DOCK8: variants seen among roughly 807,000 people sequenced by gnomAD.
DOCK8 encodes the protein dedicator of cytokinesis protein 8.
Under a neutral mutation model 245.6 loss-of-function variants are expected in DOCK8, and 141 were observed. The observed-to-expected ratio is 0.57, with a 90% CI of 0.50 to 0.66. DOCK8 has a LOEUF of 0.66. DOCK8 is among the 30% of genes least tolerant of loss of function. DOCK8 has a pLI of 0.00. For missense variants in DOCK8, 2,965 were observed against 2,603.4 expected, an observed-to-expected ratio of 1.14 and a Z score of -3.02; for synonymous variants, 1,168 against 970.2, an observed-to-expected ratio of 1.20 and a Z score of -3.79.
intron 24 of DOCK8, among the ~76,000 whole-genome samples, chr9:393,318 ATACCAATAGTTG>A (rs2054291041): frequency 1.0e-5 from 1 of 96,896 alleles, no homozygotes; most frequent in Non-Finnish European, 2.5e-5. Context: ...AATAGTTGGC[ATACCAATAGTTG>A]GCATACCAAT....
At chr9:415,486 G>C (rs759858891) in intron 29 of DOCK8, among the ~76,000 whole-genome samples, 86 of 152,258 alleles carry the variant, frequency 5.6e-4, no homozygotes, top group Non-Finnish European at 8.1e-4. Flanking sequence ...AATATGTCTA[G>C]ATTAGCAACA....
At chr9:249,503 C>T (rs909871624) in intron 1 of DOCK8, among the ~76,000 whole-genome samples, 2 of 152,092 alleles carry the variant, frequency 1.3e-5, no homozygotes, top group East Asian at 3.9e-4. Context: ...ATCACATCTG[C>T]CATGCCAAAC....
intron 1 of DOCK8, among the ~76,000 whole-genome samples, chr9:251,968 T>C (rs2131466818): frequency 7.4e-6 from 1 of 135,948 alleles, no homozygotes; most frequent in African/African-American, 2.8e-5. Flanking sequence ...AGCAATTGTG[T>C]TTTCTTTTTT....
chr9:232,544 T>A (rs1280524368), intron 1 of DOCK8, among the ~76,000 whole-genome samples: 1 of 152,220 alleles, frequency 6.6e-6, no homozygotes, highest in Non-Finnish European at 1.5e-5. Flanking sequence ...TTTTGGTTGG[T>A]AAGCTATTGA....
upstream of DOCK8, among the ~76,000 whole-genome samples, chr9:211,483 A>G (rs1182073744): frequency 1.3e-5 from 2 of 152,178 alleles, no homozygotes; most frequent in African/African-American, 2.4e-5. Flanking sequence ...CAGATGAGAT[A>G]GGAGAAAGAA....
At chr9:301,928 A>G (rs114240260) in intron 4 of DOCK8, among the ~76,000 whole-genome samples, 246 of 152,188 alleles carry the variant, frequency 1.6e-3, no homozygotes, top group African/African-American at 4.9e-3. Context: ...GCCCAAAGAG[A>G]TTTTTAGATT....
chr9:243,022 C>A (rs1563834588), intron 1 of DOCK8, among the ~76,000 whole-genome samples: 1 of 152,136 alleles, frequency 6.6e-6, no homozygotes, highest in Non-Finnish European at 1.5e-5. Context: ...CAGGCCAACA[C>A]TGACTTGATT....
intron 4 of DOCK8, among the ~76,000 whole-genome samples, chr9:296,476 T>C (rs2049263625): frequency 6.6e-6 from 1 of 152,144 alleles, no homozygotes; most frequent in Non-Finnish European, 1.5e-5. Flanking sequence ...TTAGACTTTG[T>C]TTTTCATCTG....
chr9:435,068 AC>A (rs1241104770), intron 39 of DOCK8, 93 bp downstream of exon 39: 1 of 1,484,480 alleles, frequency 6.7e-7, no homozygotes. Context: ...ATGTCTAGAT[AC>A]ATTTTTGGTT....
chr9:250,603 A>T (rs542584044), intron 1 of DOCK8, among the ~76,000 whole-genome samples: 1 of 152,310 alleles, frequency 6.6e-6, no homozygotes, highest in East Asian at 1.9e-4. Context: ...TCCACACTCA[A>T]TTCCAAATTT....
rs1402147246 is a variant in DOCK8 at position 400,355 on chromosome 9, C to T, written c.3234+1096C>T. On this transcript the variant is annotated intron_variant, in intron 26 of 47. Coordinates refer to ENST00000432829, the MANE Select transcript of DOCK8 (RefSeq NM_203447.4). ...ACCACCTCCTCCACCACCACCACCT[C>T]CTCCACCATCACCACCTCCTTCACC... Among the ~76,000 whole-genome samples the T allele has an allele frequency of 5.9e-5, 4 of 68,214 alleles. 1 individual carries two copies. Among genetic ancestry groups the T allele is most frequent in the Non-Finnish European group, 5.7e-5 (2 of 34,864 alleles). The allele number at this position is 68,214 out of a possible 152,430, so 44.8% of individuals were successfully genotyped here.
At position 414,788 on chromosome 9, in the gene DOCK8, C is replaced by G; in HGVS notation, c.3537C>G (p.Ser1179Arg). 1 of 1,614,228 alleles carries G rather than the reference C, an allele frequency of 6.2e-7. No individual in the cohort carries two copies. Among genetic ancestry groups the G allele is most frequent in the Non-Finnish European group, 8.5e-7 (1 of 1,180,026 alleles). Residue 1179 changes from serine (S) to arginine (R), a missense_variant, in exon 29 of 48, where the codon AGC (serine) becomes AGG (arginine). This residue lies in a region of DOCK8 where 2,825 missense variants were observed against 2,453.5 expected (regional missense o/e 1.15). Coordinates refer to ENST00000432829, the MANE Select transcript of DOCK8 (RefSeq NM_203447.4). ...AALDAEGEGI[S>R]KVQRKAVSAI... ...TCCTGTGTTGTGCCAACAGAATCAG[C>G]AAAGTACAAAGGAAAGCTGTCAGTG...
chr9:413,759 C>A (rs2055862659), intron 28 of DOCK8, among the ~76,000 whole-genome samples: 1 of 152,110 alleles, frequency 6.6e-6, no homozygotes, highest in African/African-American at 2.4e-5. Context: ...AAAGTGTTGG[C>A]AAGAATAAAA....
chr9:463,976 T>C (rs1278850766), intron 47 of DOCK8, among the ~76,000 whole-genome samples, 183 bp from the exon 48 acceptor site: 3 of 152,204 alleles, frequency 2.0e-5, no homozygotes, highest in African/African-American at 7.2e-5. Flanking sequence ...TTGGTTTGTA[T>C]GTTTGTTTTG....
rs113266738 is a variant in DOCK8, at chr9:338,344, C to T, written c.1423-662C>T. On this transcript the variant is annotated intron_variant, in intron 12 of 47. Coordinates refer to ENST00000432829, the MANE Select transcript of DOCK8 (RefSeq NM_203447.4). ...AGGGATGCTGAGGGCGCCTGTGCACCGTGCCACATCATAGAAATAGTAAAG... is the reference window on the plus strand; with the variant it reads ...AGGGATGCTGAGGGCGCCTGTGCACTGTGCCACATCATAGAAATAGTAAAG... 3.9e-5 allele frequency among the ~76,000 whole-genome samples: 6 copies of T among 152,172 alleles called. 1 individual carries two copies. The highest frequency in any genetic ancestry group is 2.1e-4 in the South Asian group (1 of 4,824).
rs554684677 is a variant in DOCK8 at position 364,408 on chromosome 9, G to A, written c.1680-3610G>A. 3.9e-5 allele frequency among the ~76,000 whole-genome samples: 6 copies of A among 152,290 alleles called. No individual in the cohort carries two copies. The East Asian group carries it at 1.2e-3, about 29-fold the overall frequency. Reference sequence around the variant, plus strand: ...AGCACTGTGGGAGGCCAAGGCAGGAGTATCACTGAAGGCCAGGAGTTCAAG... The same window carrying A: ...AGCACTGTGGGAGGCCAAGGCAGGAATATCACTGAAGGCCAGGAGTTCAAG... On this transcript the variant is annotated intron_variant, in intron 14 of 47. Transcript: ENST00000432829.
intron 18 of DOCK8, among the ~76,000 whole-genome samples, chr9:374,221 A>G (rs1043966769): frequency 6.6e-6 from 1 of 151,968 alleles, no homozygotes; most frequent in Non-Finnish European, 1.5e-5. Context: ...AGTATCCTTT[A>G]AACCTGCACT....
At chr9:418,671 C>T (rs763002799) in intron 30 of DOCK8, among the ~76,000 whole-genome samples, 1 of 152,202 alleles carries the variant, frequency 6.6e-6, no homozygotes, top group Non-Finnish European at 1.5e-5. Flanking sequence ...AGCTGAGGTG[C>T]ACACAAGTCA....
chr9:422,665 A>G (rs2131655962), intron 33 of DOCK8, among the ~76,000 whole-genome samples: 1 of 152,362 alleles, frequency 6.6e-6, no homozygotes, highest in Non-Finnish European at 1.5e-5. Context: ...CTTATGACAT[A>G]ATGTTAAATG....
Sources: allele counts gnomAD v4.1 joint callset (sites outside exome capture counted in the v4.1 genomes callset), GRCh38; gene constraint gnomAD v4.1.1; regional missense constraint gnomAD v4.1.1; transcripts MANE v1.5; gene names NCBI Gene and HGNC (gene_info 2026-07-23, HGNC 2026-07-21).